The following ACTN2 variants were observed in gnomAD, a reference collection of about 807,000 sequenced individuals.
ACTN2 encodes the protein actinin alpha 2, also known as alpha-actinin-2.
In ACTN2, 39 loss-of-function variants were observed where a neutral mutation model predicts 113.8. The ratio of observed to expected loss-of-function variants is 0.34; its 90% CI spans 0.27 to 0.45. ACTN2 has a LOEUF of 0.45. Ranked by LOEUF, ACTN2 falls within the 20% of genes least tolerant of loss-of-function variation. The pLI, the probability that ACTN2 is intolerant of heterozygous loss-of-function variation, is 1.00. For missense variants in ACTN2, 992 were observed against 1,177.9 expected (o/e 0.84, Z 2.31); for synonymous variants, 429 against 444.1 (o/e 0.97, Z 0.43).
Position 236,761,175 on chromosome 1 carries a change from T to G in ACTN2, c.2526+2T>G. The G allele has an allele frequency of 6.2e-7, 1 of 1,614,060 alleles. No individual in the cohort carries two copies. Among genetic ancestry groups the G allele is most frequent in the Non-Finnish European group, 8.5e-7 (1 of 1,180,032 alleles). On this transcript the variant is annotated splice_donor_variant, in intron 20 of 20. Transcript: ENST00000366578. LOFTEE classifies it high-confidence loss of function. The stretch of plus-strand genomic sequence containing the variant: ...TTCCGGATCCTGGCTTCTGATAAGG[T>G]CTGCATTGACAGATTTCCTTCTGCT...
Position 236,737,297 on chromosome 1 carries a change from G to GTTTATATATATATATA in ACTN2, c.876+83_876+84insTTTATATATATATATA. ...GAGGGTGAAAAAATACTCCGTGGGG[G>GTTTATATATATATATA]CATATATATATATATATATATTTTG... On this transcript the variant is annotated intron_variant, in intron 9 of 20. Transcript: ENST00000366578. The GTTTATATATATATATA allele has an allele frequency of 9.4e-6, 3 of 318,344 alleles. 1 individual carries two copies. The Admixed American group carries it at 1.3e-4, about 13-fold the overall frequency. The allele number at this position is 318,344 out of a possible 1,614,324, so 19.7% of individuals were successfully genotyped here. A position where few individuals can be genotyped will look rare whatever the true frequency, so the allele number is the denominator to read the frequency against.
Position 236,762,728 on chromosome 1 carries a change from G to A in ACTN2, c.*109G>A. On this transcript the variant is annotated 3_prime_UTR_variant, in exon 21 of 21. Transcript: ENST00000366578. ...TTTATTAAGTTGAGAGAGAGAGAGG[G>A]GAAAAAAAAAAGCCTTTCGTAGTTC... 1 of 1,395,998 alleles carries A rather than the reference G, an allele frequency of 7.2e-7. No individual in the cohort carries two copies. Among genetic ancestry groups the A allele is most frequent in the African/African-American group, 1.5e-5 (1 of 68,424 alleles). The allele number at this position is 1,395,998 out of a possible 1,614,324, so 86.5% of individuals were successfully genotyped here. A position where few individuals can be genotyped will look rare whatever the true frequency, so the allele number is the denominator to read the frequency against.
intron 1 of ACTN2, among the ~76,000 whole-genome samples, chr1:236,709,273 T>A (rs868328523): frequency 1.0e-5 from 1 of 95,366 alleles, no homozygotes; most frequent in Non-Finnish European, 2.3e-5. Context: ...CACACACACA[T>A]ATATATGTAT....
chr1:236,693,992 A>T (rs998804376), intron 1 of ACTN2, among the ~76,000 whole-genome samples: 26 of 151,952 alleles, frequency 1.7e-4, no homozygotes, highest in Admixed American at 5.2e-4. Context: ...ATTGCCTGTC[A>T]CTGTGTCTGA....
chr1:236,719,248 T>C (rs938348281), intron 3 of ACTN2, among the ~76,000 whole-genome samples: 1 of 152,226 alleles, frequency 6.6e-6, no homozygotes, highest in African/African-American at 2.4e-5. Context: ...GCTGTCATCT[T>C]CAGAAGACTT....
At position 236,744,668 on chromosome 1, in the gene ACTN2, C is replaced by G. The variant is rs143749154; in HGVS notation, c.1298C>G (p.Ser433Trp). ...CTGCAGAAGGATTACGAGTCGGCGT[C>G]GCTGACAGAGGTGCGGGCTCTGCTG... ...ILLQKDYESA[S>W]LTEVRALLRK... Residue 433 changes from serine (S) to tryptophan (W), a missense_variant, in exon 12 of 21, where the codon TCG (serine) becomes TGG (tryptophan). Ser to Trp is a radical substitution (Grantham distance 177, BLOSUM62 -3). Coordinates refer to ENST00000366578, the MANE Select transcript of ACTN2 (RefSeq NM_001103.4). The G allele has an allele frequency of 6.2e-7, 1 of 1,614,096 alleles. No homozygotes were observed. Among genetic ancestry groups the G allele is most frequent in the African/African-American group, 1.3e-5 (1 of 74,942 alleles).
At chr1:236,721,022 G>GTTTTTTTTTTTTTTTTTTT (rs869077774) in intron 4 of ACTN2, among the ~76,000 whole-genome samples, 83 of 66,492 alleles carry the variant, frequency 1.2e-3, no homozygotes, top group East Asian at 3.4e-3. Flanking sequence ...TTTGTTTTTT[G>GTTTTTTTTTTTTTTTTTTT]TTTTTTTTTT....
intron 20 of ACTN2, among the ~76,000 whole-genome samples, chr1:236,761,795 A>G (rs1159820194): frequency 1.3e-5 from 2 of 152,212 alleles, no homozygotes; most frequent in Non-Finnish European, 2.9e-5. Flanking sequence ...GGCTGAGAGG[A>G]TAATGAACAT....
rs768723624 is a variant in ACTN2, at chr1:236,744,828, A to G, written c.1406+52A>G. On this transcript the variant is annotated intron_variant, in intron 12 of 20. Transcript: ENST00000366578. ...CGGGAGCCCCTGGGATTCCACAGAGAGGGGAGAGAAAGGCCTGCCTTGCCT... is the reference window on the plus strand; with the variant it reads ...CGGGAGCCCCTGGGATTCCACAGAGGGGGGAGAGAAAGGCCTGCCTTGCCT... The G allele has an allele frequency of 2.4e-5, 39 of 1,612,580 alleles. No homozygotes were observed. The Admixed American group carries it at 6.3e-4, about 26-fold the overall frequency.
Sources: allele counts gnomAD v4.1 joint callset (sites outside exome capture counted in the v4.1 genomes callset), GRCh38; gene constraint gnomAD v4.1.1; transcripts MANE v1.5; gene names NCBI Gene and HGNC (gene_info 2026-07-23, HGNC 2026-07-21).